The following PDZRN3 variants were observed in gnomAD, a reference collection of about 807,000 sequenced individuals.
The protein encoded by PDZRN3 is E3 ubiquitin-protein ligase PDZRN3.
Under a neutral mutation model 85.7 loss-of-function variants are expected in PDZRN3, and 38 were observed. That is an observed-to-expected ratio of 0.44 (90% CI 0.34 to 0.58). The LOEUF (loss-of-function observed/expected upper bound fraction) is 0.58. PDZRN3 is among the 20% of genes least tolerant of loss of function. PDZRN3 has a pLI of 0.01. For missense variants in PDZRN3, 1,629 were observed against 1,506.4 expected, an observed-to-expected ratio of 1.08 and a Z score of -1.35; for synonymous variants, 759 against 638.0, an observed-to-expected ratio of 1.19 and a Z score of -2.86.
intron 1 of PDZRN3, among the ~76,000 whole-genome samples, chr3:73,613,554 G>C (rs763944045): frequency 6.6e-6 from 1 of 152,082 alleles, no homozygotes; most frequent in African/African-American, 2.4e-5. Flanking sequence ...AGTGGGTCTC[G>C]ATGGATTGGT....
At chr3:73,492,336 A>G (rs1009819129) in intron 3 of PDZRN3, among the ~76,000 whole-genome samples, 1 of 152,198 alleles carries the variant, frequency 6.6e-6, no homozygotes, top group South Asian at 2.1e-4. Context: ...CTTATATCAT[A>G]GGCTGGGCTG....
At chr3:73,416,876 GTTTTTTTTTTT>G (rs146381615) in intron 3 of PDZRN3, among the ~76,000 whole-genome samples, 46 of 110,378 alleles carry the variant, frequency 4.2e-4, no homozygotes, top group South Asian at 2.2e-3. Context: ...TTTTTTTTTG[GTTTTTTTTTTT>G]TTTTTTTTTT....
Position 73,519,556 on chromosome 3 carries a change from T to C in PDZRN3, c.918+82798A>G, listed in dbSNP as rs145571335. Among the ~76,000 whole-genome samples the C allele has an allele frequency of 4.7e-3, 719 of 152,250 alleles. 5 individuals carry two copies. Among genetic ancestry groups the C allele is most frequent in the Non-Finnish European group, 8.2e-3 (559 of 68,018 alleles). ...TCAATATTAATTTAAAAAGAGTAAG[T>C]GGGATCATTAATTGTTTCTATAAAA... On this transcript the variant is annotated intron_variant, in intron 3 of 9. Transcript: ENST00000263666.
chr3:73,562,718 A>G (rs1701846824), intron 3 of PDZRN3, among the ~76,000 whole-genome samples: 1 of 152,024 alleles, frequency 6.6e-6, no homozygotes, highest in Non-Finnish European at 1.5e-5. Flanking sequence ...TAGAGAGCAC[A>G]GCTGTCTATT....
At chr3:73,431,745 T>C (rs1433726262) in intron 3 of PDZRN3, among the ~76,000 whole-genome samples, 1 of 152,176 alleles carries the variant, frequency 6.6e-6, no homozygotes, top group Non-Finnish European at 1.5e-5. Context: ...GGAAGTCATT[T>C]ATCAGCAATT....
chr3:73,465,368 CA>C (rs1703192520), intron 3 of PDZRN3, among the ~76,000 whole-genome samples: 1 of 152,178 alleles, frequency 6.6e-6, no homozygotes, highest in Non-Finnish European at 1.5e-5. Context: ...CTTTCTATAA[CA>C]AATTGCCTTA....
At chr3:73,396,226 A>C (rs1374373063) in intron 5 of PDZRN3, among the ~76,000 whole-genome samples, 3 of 152,166 alleles carry the variant, frequency 2.0e-5, no homozygotes, top group Non-Finnish European at 2.9e-5. Flanking sequence ...AAACAAACAA[A>C]AAAAAAAGTA....
Position 73,384,527 on chromosome 3 carries a change from C to T in PDZRN3, c.2039G>A (p.Ser680Asn). The change falls in exon 10 of 10, where the codon AGC (serine) becomes AAC (asparagine). Residue 680 changes from serine to asparagine, a missense_variant. Coordinates refer to ENST00000263666, the MANE Select transcript of PDZRN3 (RefSeq NM_015009.3). ...CAGCAGCTCCAGCTCCTTGTCCACGCTCTCAGGGTCACTCTTGCCGGCGTC... is the reference window on the plus strand; with the variant it reads ...CAGCAGCTCCAGCTCCTTGTCCACGTTCTCAGGGTCACTCTTGCCGGCGTC... ...PLDAGKSDPE[S>N]VDKELELLNE... The T allele has an allele frequency of 6.2e-7, 1 of 1,613,754 alleles. No individual in the cohort carries two copies. The highest frequency in any genetic ancestry group is 8.5e-7 in the Non-Finnish European group (1 of 1,180,042).
intron 3 of PDZRN3, among the ~76,000 whole-genome samples, chr3:73,472,454 C>T (rs1432393097): frequency 6.6e-6 from 1 of 152,282 alleles, no homozygotes; most frequent in East Asian, 1.9e-4. Context: ...TGCTGTAACC[C>T]GTATATGCCC....
intron 7 of PDZRN3, 119 bp downstream of exon 7, chr3:73,389,697 C>A: frequency 1.3e-6 from 1 of 743,860 alleles, no homozygotes; most frequent in South Asian, 1.5e-5. Flanking sequence ...TACACATCTG[C>A]GTTTGTGATC....
intron 3 of PDZRN3, among the ~76,000 whole-genome samples, chr3:73,504,277 T>G (rs1325907787): frequency 2.0e-5 from 3 of 152,174 alleles, no homozygotes; most frequent in African/African-American, 7.2e-5. Flanking sequence ...TAGCTGATAA[T>G]GGGTCATTAA....
At chr3:73,429,451 C>T (rs957808362) in intron 3 of PDZRN3, among the ~76,000 whole-genome samples, 4 of 151,488 alleles carry the variant, frequency 2.6e-5, no homozygotes, top group African/African-American at 9.7e-5. Context: ...TCAGCTGATG[C>T]AGAGTCTCTT....
chr3:73,551,228 T>C (rs1350563088), intron 3 of PDZRN3, among the ~76,000 whole-genome samples: 1 of 152,214 alleles, frequency 6.6e-6, no homozygotes, highest in Non-Finnish European at 1.5e-5. Context: ...TACTGCAGTC[T>C]GTAGGGGAAA....
intron 3 of PDZRN3, among the ~76,000 whole-genome samples, chr3:73,462,542 C>CA (rs1167584471): frequency 0.69 from 64,459 of 93,270 alleles, 22,416 homozygotes; most frequent in Non-Finnish European, 0.78. Flanking sequence ...GACTCCGTCT[C>CA]AAAAAAAAAA....
At chr3:73,577,772 C>T (rs1474743996) in intron 3 of PDZRN3, among the ~76,000 whole-genome samples, 4 of 152,200 alleles carry the variant, frequency 2.6e-5, no homozygotes, top group African/African-American at 4.8e-5. Context: ...AGCCAAAGGC[C>T]GGTCACAGCA....
chr3:73,398,969 T>C (rs890802410), intron 5 of PDZRN3, among the ~76,000 whole-genome samples: 7 of 152,116 alleles, frequency 4.6e-5, no homozygotes, highest in Non-Finnish European at 7.3e-5. Context: ...TAGTCAGGTA[T>C]AAGGAAAAAC....
At chr3:73,578,433 G>A (rs1037494651) in intron 3 of PDZRN3, among the ~76,000 whole-genome samples, 1 of 152,150 alleles carries the variant, frequency 6.6e-6, no homozygotes, top group African/African-American at 2.4e-5. Context: ...GCCTCCCAAA[G>A]TGCTGGGATT....
intron 3 of PDZRN3, among the ~76,000 whole-genome samples, chr3:73,499,345 C>T (rs1323078045): frequency 2.0e-5 from 3 of 152,076 alleles, no homozygotes. Flanking sequence ...CCAGGCTGGC[C>T]CCAGGTGACG....
chr3:73,524,303 C>T (rs1230869261), intron 3 of PDZRN3, among the ~76,000 whole-genome samples: 1 of 152,146 alleles, frequency 6.6e-6, no homozygotes, highest in East Asian at 1.9e-4. Context: ...ATACAAAACT[C>T]CTTTCTCTTA....
Sources: allele counts gnomAD v4.1 joint callset (sites outside exome capture counted in the v4.1 genomes callset), GRCh38; gene constraint gnomAD v4.1.1; transcripts MANE v1.5; gene names NCBI Gene and HGNC (gene_info 2026-07-23, HGNC 2026-07-21).